The following GRID2 variants were observed in gnomAD, a reference collection of about 807,000 sequenced individuals.
The protein encoded by GRID2 is glutamate receptor ionotropic, delta-2.
A neutral mutation model predicts 114.8 loss-of-function variants in GRID2; 33 were observed. The ratio of observed to expected loss-of-function variants is 0.29; its 90% CI spans 0.22 to 0.38. The LOEUF (loss-of-function observed/expected upper bound fraction) is 0.38. Among genes scored for constraint, GRID2 ranks in the 10% least tolerant of loss-of-function variants. GRID2 has a pLI of 1.00. For missense variants in GRID2, 1,184 were observed against 1,257.7 expected (o/e 0.94, Z 0.89); for synonymous variants, 505 against 449.9 (o/e 1.12, Z -1.55).
intron 13 of GRID2, among the ~76,000 whole-genome samples, chr4:93,561,649 G>T (rs1267957057): frequency 6.6e-6 from 1 of 152,028 alleles, no homozygotes; most frequent in Non-Finnish European, 1.5e-5. Context: ...ATACAGAATT[G>T]TTTCACTGCT....
intron 1 of GRID2, among the ~76,000 whole-genome samples, chr4:92,540,912 G>T (rs1367882916): frequency 6.6e-6 from 1 of 152,190 alleles, no homozygotes; most frequent in Non-Finnish European, 1.5e-5. Flanking sequence ...AACAATGATA[G>T]ACTGGATTAA....
chr4:93,581,893 CTT>C (rs1203407399), intron 13 of GRID2, among the ~76,000 whole-genome samples: 2 of 152,086 alleles, frequency 1.3e-5, no homozygotes, highest in South Asian at 2.1e-4. Context: ...GCCATGTTCT[CTT>C]TTGTTCATTA....
At chr4:92,481,610 T>G (rs184408580) in intron 1 of GRID2, among the ~76,000 whole-genome samples, 1 of 152,210 alleles carries the variant, frequency 6.6e-6, no homozygotes, top group East Asian at 1.9e-4. Context: ...CAGTATAGCC[T>G]TGTAGTATAG....
chr4:93,519,530 G>A (rs1730127297), intron 13 of GRID2, among the ~76,000 whole-genome samples: 1 of 152,084 alleles, frequency 6.6e-6, no homozygotes, highest in Admixed American at 6.6e-5. Flanking sequence ...GTAAGGATCT[G>A]ACCAGAAATC....
At chr4:92,958,324 T>TTGACTGAGAGATTTTATGATGAA (rs1276913584) in intron 2 of GRID2, among the ~76,000 whole-genome samples, 19 of 152,066 alleles carry the variant, frequency 1.2e-4, no homozygotes, top group Non-Finnish European at 2.6e-4. Context: ...CTATTCTTAG[T>TTGACTGAGAGATTTTATGATGAA]TGACTGAGAG....
chr4:92,408,431 C>CTTTTTTTTTTTTTTTTTTTT (rs35638036), intron 1 of GRID2, among the ~76,000 whole-genome samples: 8 of 19,392 alleles, frequency 4.1e-4, no homozygotes, highest in Non-Finnish European at 6.8e-4. Context: ...TATTCAAGCT[C>CTTTTTTTTTTTTTTTTTTTT]TTTTTTTTTT....
chr4:92,406,356 G>T (rs1338866824), intron 1 of GRID2, among the ~76,000 whole-genome samples: 1 of 152,026 alleles, frequency 6.6e-6, no homozygotes, highest in African/African-American at 2.4e-5. Context: ...AAAAGTCAAA[G>T]TTAAAAAAGT....
intron 1 of GRID2, among the ~76,000 whole-genome samples, chr4:92,543,670 A>ATGAATGGG (rs1415059707): frequency 1.3e-5 from 2 of 152,146 alleles, no homozygotes; most frequent in Non-Finnish European, 2.9e-5. Context: ...GAATGAATGA[A>ATGAATGGG]TGAATGGGTG....
At chr4:92,561,081 T>G (rs1727084302) in intron 1 of GRID2, among the ~76,000 whole-genome samples, 1 of 151,982 alleles carries the variant, frequency 6.6e-6, no homozygotes, top group African/African-American at 2.4e-5. Context: ...TTCCTATACC[T>G]TGTGATAGAG....
intron 2 of GRID2, among the ~76,000 whole-genome samples, chr4:92,979,090 G>A (rs2149184326): frequency 6.6e-6 from 1 of 151,994 alleles, no homozygotes; most frequent in African/African-American, 2.4e-5. Flanking sequence ...TAACCACTAG[G>A]CATATGTAGC....
At chr4:92,682,444 C>T (rs996094457) in intron 2 of GRID2, among the ~76,000 whole-genome samples, 6 of 152,006 alleles carry the variant, frequency 3.9e-5, no homozygotes, top group Non-Finnish European at 5.9e-5. Flanking sequence ...GCCTTTGATG[C>T]GATTTTGATC....
At chr4:93,769,528 A>T in intron 15 of GRID2, 78 bp downstream of exon 15, 1 of 1,396,798 alleles carries the variant, frequency 7.2e-7, no homozygotes, top group Non-Finnish European at 1.0e-6. Flanking sequence ...CCCAGGGAGG[A>T]TAATGGGTTG....
At chr4:93,554,829 T>A (rs1408326754) in intron 13 of GRID2, among the ~76,000 whole-genome samples, 1 of 152,112 alleles carries the variant, frequency 6.6e-6, no homozygotes, top group Non-Finnish European at 1.5e-5. Flanking sequence ...GATGGCTGAA[T>A]AGGAACAGCT....
chr4:92,413,617 G>C (rs976965630), intron 1 of GRID2, among the ~76,000 whole-genome samples: 8 of 152,128 alleles, frequency 5.3e-5, no homozygotes, highest in African/African-American at 1.9e-4. Context: ...TTTACATATG[G>C]AAAGTGTTTG....
rs550025865 is a variant in GRID2 at position 92,955,753 on chromosome 4, T to G, written c.245-129242T>G. 5.3e-3 allele frequency among the ~76,000 whole-genome samples: 803 copies of G among 152,312 alleles called. 7 individuals carry two copies. The highest frequency in any genetic ancestry group is 0.018 in the African/African-American group (761 of 41,568). ...TCTAGGGTTTTTATGGTTTTAGGTC[T>G]AACGTTTAAGTCTTTAATCCATTTT... On this transcript the variant is annotated intron_variant, in intron 2 of 15. Coordinates refer to ENST00000282020, the MANE Select transcript of GRID2 (RefSeq NM_001510.4).
intron 3 of GRID2, among the ~76,000 whole-genome samples, chr4:93,096,970 A>G (rs1162682011): frequency 6.6e-6 from 1 of 152,042 alleles, no homozygotes; most frequent in Admixed American, 6.6e-5. Context: ...ATTGAGCAAA[A>G]TAAGTAATGA....
intron 13 of GRID2, among the ~76,000 whole-genome samples, chr4:93,598,538 C>G (rs1011493936): frequency 3.5e-4 from 54 of 152,256 alleles, no homozygotes; most frequent in African/African-American, 1.3e-3. Context: ...GGTTGTTGCT[C>G]TCGTTTCTTT....
At chr4:92,485,008 A>G (rs1445514499) in intron 1 of GRID2, among the ~76,000 whole-genome samples, 2 of 151,862 alleles carry the variant, frequency 1.3e-5, no homozygotes, top group African/African-American at 4.8e-5. Flanking sequence ...AGAATTATCT[A>G]TTTATTAAAC....
intron 1 of GRID2, among the ~76,000 whole-genome samples, chr4:92,350,502 A>G (rs960157968): frequency 6.6e-6 from 1 of 151,844 alleles, no homozygotes; most frequent in Admixed American, 6.6e-5. Context: ...TCTCCAGGGT[A>G]ACATAATATA....
Sources: allele counts gnomAD v4.1 joint callset (sites outside exome capture counted in the v4.1 genomes callset), GRCh38; gene constraint gnomAD v4.1.1; transcripts MANE v1.5; gene names NCBI Gene and HGNC (gene_info 2026-07-23, HGNC 2026-07-21).